Variants in UNC79 observed in about 807,000 individuals in gnomAD.
The protein encoded by UNC79 is protein unc-79 homolog.
A neutral mutation model predicts 283.1 loss-of-function variants in UNC79; 37 were observed. The ratio of observed to expected loss-of-function variants is 0.13; its 90% CI spans 0.10 to 0.17. The LOEUF is 0.17. Among genes scored for constraint, UNC79 ranks in the 10% least tolerant of loss-of-function variants. The probability of loss-of-function intolerance (pLI) is 1.00; values close to 1 mark genes in which losing one functional copy is unlikely to be tolerated. For synonymous variants in UNC79, 1,107 were observed against 1,200.2 expected (o/e 0.92, Z 1.61); for missense variants, 2,272 against 3,211.1 (o/e 0.71, Z 7.07).
chr14:93,622,593 T>G, exon 30 of UNC79: 3 of 1,614,072 alleles, frequency 1.9e-6, no homozygotes, highest in Middle Eastern at 1.6e-4. Context: ...AAAACCGTCC[T>G]CCTCAAAGTT....
At chr14:93,452,782 G>C (rs1595504507) in intron 1 of UNC79, among the ~76,000 whole-genome samples, 1 of 152,188 alleles carries the variant, frequency 6.6e-6, no homozygotes, top group Non-Finnish European at 1.5e-5. Context: ...TAGAATTGTT[G>C]TGAGGCTTAG....
At chr14:93,495,114 A>G (rs2058956576) in intron 5 of UNC79, among the ~76,000 whole-genome samples, 1 of 152,168 alleles carries the variant, frequency 6.6e-6, no homozygotes, top group Non-Finnish European at 1.5e-5. Context: ...TCTAGCTGCA[A>G]GGGGCTTTGG....
chr14:93,551,175 G>C (rs1220833098), intron 14 of UNC79, among the ~76,000 whole-genome samples: 2 of 151,956 alleles, frequency 1.3e-5, no homozygotes, highest in Non-Finnish European at 2.9e-5. Flanking sequence ...TCAACCTCCC[G>C]AGTAGCTGGG....
At chr14:93,436,019 T>C (rs934612235) in intron 1 of UNC79, among the ~76,000 whole-genome samples, 6 of 152,226 alleles carry the variant, frequency 3.9e-5, no homozygotes, top group African/African-American at 1.4e-4. Flanking sequence ...TTAATTTACT[T>C]TGTGTGTAGA....
chr14:93,596,147 A>T (rs1211478400), intron 23 of UNC79, among the ~76,000 whole-genome samples: 2 of 152,246 alleles, frequency 1.3e-5, no homozygotes, highest in Non-Finnish European at 2.9e-5. Flanking sequence ...AAAATATGTC[A>T]TATAATGAGC....
intron 1 of UNC79, chr14:93,348,028 G>C: frequency 6.2e-7 from 1 of 1,602,382 alleles, no homozygotes; most frequent in East Asian, 2.2e-5. Flanking sequence ...TCTCTTCCAG[G>C]AAATGGCTGT....
At chr14:93,693,354 TC>T (rs1223480387) in intron 46 of UNC79, among the ~76,000 whole-genome samples, 5 of 152,240 alleles carry the variant, frequency 3.3e-5, no homozygotes. Context: ...TTAAAAATGT[TC>T]CTTCTATCAT....
rs377483742 is a variant in UNC79, at chr14:93,650,604, T to C, written c.6084-3138T>C. 1.9e-4 allele frequency among the ~76,000 whole-genome samples: 29 copies of C among 152,326 alleles called. No homozygotes were observed. In the East Asian group the frequency reaches 4.2e-3, roughly 22 times the overall value. On this transcript the variant is annotated intron_variant, in intron 35 of 48. Coordinates refer to ENST00000555664, the Ensembl canonical transcript of UNC79. ...ATTGCGTATATTCTTTTGAGAAGTG[T>C]CTGGTCAAATCTTTTGAATATTTTA... is the stretch of plus-strand genomic sequence containing the variant.
intron 29 of UNC79, among the ~76,000 whole-genome samples, chr14:93,619,875 C>G (rs1011202614): frequency 6.6e-6 from 1 of 152,196 alleles, no homozygotes; most frequent in African/African-American, 2.4e-5. Flanking sequence ...AGTAGGTAAA[C>G]TCATTATGAT....
intron 5 of UNC79, among the ~76,000 whole-genome samples, chr14:93,490,904 C>T (rs922863893): frequency 6.6e-6 from 1 of 152,158 alleles, no homozygotes; most frequent in Admixed American, 6.5e-5. Flanking sequence ...TACAGCATCA[C>T]CCCACTTCTC....
At chr14:93,425,310 GC>G (rs2055701873) in intron 1 of UNC79, among the ~76,000 whole-genome samples, 2 of 152,094 alleles carry the variant, frequency 1.3e-5, no homozygotes, top group Non-Finnish European at 2.9e-5. Context: ...GGGAGTAACC[GC>G]CCCCATGACT....
intron 1 of UNC79, among the ~76,000 whole-genome samples, chr14:93,396,885 C>T (rs1225565953): frequency 2.0e-5 from 3 of 151,624 alleles, no homozygotes; most frequent in Non-Finnish European, 4.4e-5. Flanking sequence ...TGCAATTCCT[C>T]AAGCCAGATG....
At chr14:93,406,612 A>G (rs1265748949) in intron 1 of UNC79, among the ~76,000 whole-genome samples, 2 of 152,108 alleles carry the variant, frequency 1.3e-5, no homozygotes, top group Non-Finnish European at 2.9e-5. Context: ...GGAAACAAGA[A>G]AATCTAATAA....
intron 14 of UNC79, among the ~76,000 whole-genome samples, chr14:93,554,477 A>G (rs2062058470): frequency 6.6e-6 from 1 of 152,204 alleles, no homozygotes; most frequent in Non-Finnish European, 1.5e-5. Flanking sequence ...AATTTCAATA[A>G]CATTTGATGA....
intron 1 of UNC79, among the ~76,000 whole-genome samples, chr14:93,369,498 G>A (rs1566896686): frequency 6.6e-6 from 1 of 152,212 alleles, no homozygotes; most frequent in African/African-American, 2.4e-5. Flanking sequence ...CAGGATTAGA[G>A]TGTCATGCTT....
chr14:93,494,311 C>G (rs1374688810), intron 5 of UNC79, among the ~76,000 whole-genome samples: 1 of 152,120 alleles, frequency 6.6e-6, no homozygotes, highest in Non-Finnish European at 1.5e-5. Flanking sequence ...CACCTTCTGC[C>G]AGGCCCCACC....
chr14:93,655,102 A>T lies in UNC79; in HGVS notation c.6283-132A>T. ...GTTATCCTTCCAGTCTATCACAGGG[A>T]TTGGCCTATGTAGTAGGCACTGAAC... On this transcript the variant is annotated intron_variant, in intron 37 of 48. Transcript: ENST00000555664. 3.5e-6 allele frequency: 3 copies of T among 865,228 alleles called. No individual in the cohort carries two copies. The East Asian group carries it at 7.9e-5, about 23-fold the overall frequency. 53.6% of individuals were successfully genotyped at this position (865,228 alleles called of 1,614,324 possible).
intron 12 of UNC79, 121 bp from the exon 13 acceptor site, chr14:93,540,539 T>C: frequency 9.3e-7 from 1 of 1,080,908 alleles, no homozygotes; most frequent in Non-Finnish European, 1.3e-6. Context: ...AACACAGTAC[T>C]CAATTTAAAG....
chr14:93,526,597 C>CA (rs1048972072), intron 8 of UNC79, among the ~76,000 whole-genome samples: 8 of 151,686 alleles, frequency 5.3e-5, no homozygotes, highest in African/African-American at 1.7e-4. Flanking sequence ...TATTTATAAA[C>CA]AAAAAAATCC....
Sources: gnomAD v4.1 joint callset for allele counts (sites outside exome capture counted in the v4.1 genomes callset) on GRCh38, gnomAD v4.1.1 for gene constraint, MANE v1.5 for transcripts, NCBI Gene and HGNC (gene_info 2026-07-23, HGNC 2026-07-21) for gene names.